Variants in PRSS3 observed in about 807,000 individuals in gnomAD.
The protein encoded by PRSS3 is trypsin-3.
Under a neutral mutation model 20.8 loss-of-function variants are expected in PRSS3, and 14 were observed. The observed-to-expected ratio is 0.67, with a 90% CI of 0.44 to 1.05. PRSS3 has a LOEUF of 1.05. Ranked by LOEUF, PRSS3 falls within the 50% of genes least tolerant of loss-of-function variation. The probability of loss-of-function intolerance (pLI) is 0.00; values close to 1 mark genes in which losing one functional copy is unlikely to be tolerated. For synonymous variants in PRSS3, 91 were observed against 117.6 expected (o/e 0.77, Z 1.46); for missense variants, 237 against 306.4 (o/e 0.77, Z 1.69).
At chr9:33,774,791 G>A (rs1315548914) in intron 1 of PRSS3, among the ~76,000 whole-genome samples, 1 of 151,784 alleles carries the variant, frequency 6.6e-6, no homozygotes, top group Admixed American at 6.6e-5. Context: ...TTTGAGATCA[G>A]CCTGACCAAC....
upstream of PRSS3, among the ~76,000 whole-genome samples, chr9:33,791,885 C>T (rs563455614): frequency 5.3e-5 from 8 of 152,304 alleles, no homozygotes; most frequent in Non-Finnish European, 1.2e-4. Context: ...ACTTGCATGT[C>T]TTCCATGGCT....
chr9:33,790,773 T>C (rs1385013015), upstream of PRSS3, among the ~76,000 whole-genome samples: 1 of 152,230 alleles, frequency 6.6e-6, no homozygotes, highest in Non-Finnish European at 1.5e-5. Context: ...TCTTCATTGC[T>C]GCTTCCAAAT....
chr9:33,786,441 G>A (rs1824414639), intron 1 of PRSS3: 1 of 690,172 alleles, frequency 1.4e-6, no homozygotes, highest in Non-Finnish European at 2.6e-6. Context: ...TCCTTTGGGA[G>A]CTGAGGTGGT....
intron 2 of PRSS3, among the ~76,000 whole-genome samples, chr9:33,797,546 G>T (rs1488305194): frequency 7.1e-6 from 1 of 140,316 alleles, no homozygotes; most frequent in Admixed American, 7.2e-5. Context: ...TGACTGTGGA[G>T]ATTTGTGGGA....
intron 1 of PRSS3, among the ~76,000 whole-genome samples, chr9:33,788,608 C>T (rs1474161361): frequency 6.6e-6 from 1 of 152,132 alleles, no homozygotes; most frequent in Non-Finnish European, 1.5e-5. Flanking sequence ...GAAACATGAG[C>T]TCATTGTTTT....
intron 1 of PRSS3, among the ~76,000 whole-genome samples, chr9:33,754,165 AGGGTTC>A (rs1822832737): frequency 6.6e-6 from 1 of 151,374 alleles, no homozygotes; most frequent in Non-Finnish European, 1.5e-5. Flanking sequence ...TCCGCTTCCC[AGGGTTC>A]AAGTGATTCT....
intron 1 of PRSS3, among the ~76,000 whole-genome samples, chr9:33,754,454 C>T (rs1036680702): frequency 6.6e-6 from 1 of 152,122 alleles, no homozygotes; most frequent in African/African-American, 2.4e-5. Flanking sequence ...TTGGCCAGAA[C>T]CATATCACAT....
chr9:33,797,479 C>G (rs1286207895), intron 2 of PRSS3, among the ~76,000 whole-genome samples: 2 of 152,228 alleles, frequency 1.3e-5, no homozygotes, highest in Non-Finnish European at 2.9e-5. Context: ...TTAGCAAAGA[C>G]CTGGGGTGAA....
At chr9:33,761,742 G>A (rs546494675) in intron 1 of PRSS3, among the ~76,000 whole-genome samples, 13 of 152,186 alleles carry the variant, frequency 8.5e-5, no homozygotes, top group African/African-American at 3.1e-4. Flanking sequence ...AGCCAAGCGT[G>A]GTGGTGCACA....
chr9:33,794,345 C>A (rs1445205200), upstream of PRSS3, among the ~76,000 whole-genome samples: 3 of 152,182 alleles, frequency 2.0e-5, no homozygotes, highest in Non-Finnish European at 4.4e-5. Context: ...GGAAGCTCCT[C>A]CTTTCCTTAC....
chr9:33,767,145 T>G (rs1293214327), intron 1 of PRSS3, among the ~76,000 whole-genome samples: 2 of 152,094 alleles, frequency 1.3e-5, no homozygotes, highest in Non-Finnish European at 2.9e-5. Flanking sequence ...ATTTAGTAAT[T>G]AAATCTATAA....
At chr9:33,792,821 T>C (rs1824695856), upstream of PRSS3, among the ~76,000 whole-genome samples, 1 of 152,324 alleles carries the variant, frequency 6.6e-6, no homozygotes, top group East Asian at 1.9e-4. Context: ...ACAGAATTGA[T>C]TCACTGTTAT....
At chr9:33,759,573 G>C (rs1823091230) in intron 1 of PRSS3, among the ~76,000 whole-genome samples, 1 of 152,156 alleles carries the variant, frequency 6.6e-6, no homozygotes, top group Non-Finnish European at 1.5e-5. Flanking sequence ...ACCCAAGTTT[G>C]GGATATGAGA....
At chr9:33,752,945 G>T (rs1432274304) in intron 1 of PRSS3, among the ~76,000 whole-genome samples, 2 of 152,222 alleles carry the variant, frequency 1.3e-5, no homozygotes, top group African/African-American at 4.8e-5. Context: ...TCGTAATGGG[G>T]CTTTATAGAG....
chr9:33,796,690 T>C lies in PRSS3; in HGVS notation c.88T>C (p.Cys30Arg). ...TGACAAGATTGTTGGGGGCTACACC[T>C]GTGAGGAGAATTCTCTCCCCTACCA... is the stretch of plus-strand genomic sequence containing the variant. ...DDDKIVGGYT[C>R]EENSLPYQVS... The change falls in exon 2 of 5, where the codon TGT becomes CGT. Residue 30 changes from cysteine (C) to arginine (R), a missense_variant. Transcript: ENST00000379405. 6.2e-7 allele frequency: 1 copy of C among 1,610,542 alleles called. No homozygotes were observed. The highest frequency in any genetic ancestry group is 8.5e-7 in the Non-Finnish European group (1 of 1,178,056).
upstream of PRSS3, among the ~76,000 whole-genome samples, chr9:33,791,701 G>A (rs1404207425): frequency 6.6e-6 from 1 of 152,202 alleles, no homozygotes; most frequent in Non-Finnish European, 1.5e-5. Context: ...CCAAACAAGA[G>A]AGTGGTCAAG....
At chr9:33,766,130 T>C (rs1823400428) in intron 1 of PRSS3, among the ~76,000 whole-genome samples, 1 of 151,850 alleles carries the variant, frequency 6.6e-6, no homozygotes, top group African/African-American at 2.4e-5. Flanking sequence ...CCAGGCATAC[T>C]GGCGAGCGTT....
At chr9:33,771,936 A>G (rs1415768858) in intron 1 of PRSS3, among the ~76,000 whole-genome samples, 1 of 148,456 alleles carries the variant, frequency 6.7e-6, no homozygotes, top group Non-Finnish European at 1.5e-5. Context: ...CAGTGGCTCA[A>G]TCTCAGCTCA....
chr9:33,786,702 C>A, intron 1 of PRSS3: 1 of 766,276 alleles, frequency 1.3e-6, no homozygotes, highest in South Asian at 1.3e-5. Flanking sequence ...GGCTCTGAGG[C>A]CACATATGAG....
Sources: allele counts gnomAD v4.1 joint callset (sites outside exome capture counted in the v4.1 genomes callset), GRCh38; gene constraint gnomAD v4.1.1; transcripts MANE v1.5; gene names NCBI Gene and HGNC (gene_info 2026-07-23, HGNC 2026-07-21).